The following NSRP1 variants were observed in gnomAD, a reference collection of about 807,000 sequenced individuals.
The protein encoded by NSRP1 is nuclear speckle splicing regulatory protein 1, also known as coiled-coil domain containing 55.
A neutral mutation model predicts 54.7 loss-of-function variants in NSRP1; 24 were observed. The observed-to-expected ratio is 0.44, with a 90% CI of 0.32 to 0.62. The LOEUF is 0.62. NSRP1 is among the 20% of genes least tolerant of loss of function. The pLI is 0.06. For missense variants in NSRP1, 596 were observed against 651.2 expected, an observed-to-expected ratio of 0.92 and a Z score of 0.92; for synonymous variants, 210 against 213.8, an observed-to-expected ratio of 0.98 and a Z score of 0.15.
chr17:30,175,496 C>T (rs547470123), intron 3 of NSRP1, among the ~76,000 whole-genome samples: 5 of 151,982 alleles, frequency 3.3e-5, no homozygotes, highest in East Asian at 1.9e-4. Flanking sequence ...TGCAGCGGCA[C>T]GATCTCAGCT....
At chr17:30,136,436 G>A (rs1338200088) in intron 2 of NSRP1, among the ~76,000 whole-genome samples, 1 of 152,030 alleles carries the variant, frequency 6.6e-6, no homozygotes, top group East Asian at 1.9e-4. Flanking sequence ...TGAGTACTTT[G>A]TTTATGTTAG....
intron 2 of NSRP1, among the ~76,000 whole-genome samples, chr17:30,166,088 T>C (rs1002486630): frequency 3.3e-5 from 5 of 152,120 alleles, no homozygotes; most frequent in Admixed American, 6.5e-5. Flanking sequence ...AACAGGAACA[T>C]GATAATAACA....
At chr17:30,141,304 G>T (rs980695474) in intron 2 of NSRP1, among the ~76,000 whole-genome samples, 1 of 152,060 alleles carries the variant, frequency 6.6e-6, no homozygotes, top group Non-Finnish European at 1.5e-5. Context: ...TTGAGTGCAT[G>T]CCACAGGCTT....
In NSRP1 at chr17:30,139,072, C is replaced by T. The variant is rs2151886222; in HGVS notation, c.114+20899C>T. ...AGCTGGGACTATAGGCGCCTGCTAC[C>T]ATGCCTAGCTAATATTTTGTATTTT... is the stretch of plus-strand genomic sequence containing the variant. On this transcript the variant is annotated intron_variant, in intron 2 of 6. Transcript: ENST00000247026. Among the ~76,000 whole-genome samples the T allele has an allele frequency of 1.3e-5, 2 of 151,212 alleles. 1 individual carries two copies. Among genetic ancestry groups the T allele is most frequent in the Middle Eastern group, 6.8e-3 (2 of 292 alleles).
Position 30,123,847 on chromosome 17 carries a change from C to T in NSRP1, c.114+5674C>T, listed in dbSNP as rs138380825. 1.0e-3 allele frequency among the ~76,000 whole-genome samples: 153 copies of T among 152,146 alleles called. 2 individuals carry two copies. In the Middle Eastern group the frequency reaches 0.01, roughly 10 times the overall value. On this transcript the variant is annotated intron_variant, in intron 2 of 6. Coordinates refer to ENST00000247026, the MANE Select transcript of NSRP1 (RefSeq NM_032141.4). ...CATTAAATCGTCCATCGTCTATTTA[C>T]CATTAAATTTTCTAGCACCCTTGTG...
chr17:30,150,683 GGT>G (rs2071899581), intron 2 of NSRP1: 1 of 109,088 alleles, frequency 9.2e-6, no homozygotes. Flanking sequence ...TTTTGTTGTT[GGT>G]TTTTTTTTTT....
Position 30,118,175 on chromosome 17 carries a change from T to A in NSRP1, c.114+2T>A. On this transcript the variant is annotated splice_donor_variant, in intron 2 of 6. Coordinates refer to ENST00000247026, the MANE Select transcript of NSRP1 (RefSeq NM_032141.4). LOFTEE classifies it high-confidence loss of function. ...AATGATTCTGATGATGATGATGAGG[T>A]AAGGAAACCTATGTTTTACTCGTGC... 6.2e-7 allele frequency: 1 copy of A among 1,606,968 alleles called. No individual in the cohort carries two copies. Among genetic ancestry groups the A allele is most frequent in the Non-Finnish European group, 8.5e-7 (1 of 1,174,054 alleles).
At chr17:30,142,377 G>A (rs1244057084) in intron 2 of NSRP1, among the ~76,000 whole-genome samples, 1 of 151,988 alleles carries the variant, frequency 6.6e-6, no homozygotes, top group Non-Finnish European at 1.5e-5. Context: ...CTAGGCAGGA[G>A]TGCAGTGGCT....
At chr17:30,158,999 ATAT>A (rs1223213194) in intron 2 of NSRP1, among the ~76,000 whole-genome samples, 1 of 152,268 alleles carries the variant, frequency 6.6e-6, no homozygotes, top group East Asian at 1.9e-4. Context: ...TCTGTGAAAA[ATAT>A]TATTGGTATT....
intron 2 of NSRP1, among the ~76,000 whole-genome samples, chr17:30,153,377 A>G (rs1161074182): frequency 6.6e-6 from 1 of 152,096 alleles, no homozygotes; most frequent in Admixed American, 6.5e-5. Context: ...TACACATTTC[A>G]TTGTGTTTCA....
At chr17:30,132,578 C>T (rs188899746) in intron 2 of NSRP1, among the ~76,000 whole-genome samples, 1 of 152,266 alleles carries the variant, frequency 6.6e-6, no homozygotes, top group East Asian at 1.9e-4. Context: ...ATTTTCTTTG[C>T]TCATCCAGTA....
intron 2 of NSRP1, among the ~76,000 whole-genome samples, chr17:30,136,874 A>G (rs1486099827): frequency 1.3e-5 from 2 of 152,172 alleles, no homozygotes; most frequent in Admixed American, 6.5e-5. Flanking sequence ...ACATTTGTAC[A>G]TACATCATAT....
At chr17:30,148,964 T>G (rs1029521637) in intron 2 of NSRP1, among the ~76,000 whole-genome samples, 9 of 152,218 alleles carry the variant, frequency 5.9e-5, no homozygotes, top group African/African-American at 9.6e-5. Flanking sequence ...TATTCTCTAA[T>G]TTCTGCCCAT....
At chr17:30,122,349 T>TGTGTGTGTGTGTATATATATATATATATA (rs1481107161) in intron 2 of NSRP1, 3 of 72,306 alleles carry the variant, frequency 4.1e-5, no homozygotes, top group African/African-American at 1.7e-4. Context: ...ATAACTCTGG[T>TGTGTGTGTGTGTATATATATATATATATA]TTCATATATA....
chr17:30,175,474 C>G (rs902268630), intron 3 of NSRP1, among the ~76,000 whole-genome samples: 1 of 151,724 alleles, frequency 6.6e-6, no homozygotes, highest in African/African-American at 2.4e-5. Context: ...TTGCTCTGTA[C>G]CTAGGCTGGA....
rs779855426 is a variant in NSRP1 at position 30,180,960 on chromosome 17, A to G, written c.561A>G (p.Leu187=). ...ATCTCAGTGGATTTTATAGGCACCT[A>G]TTAAATCAAGCAGTTGGTGAAGAGG... ...QKDLSGFYRH[L]LNQAVGEEEV... Residue 187 remains leucine (L), a synonymous_variant, in exon 6 of 7, where the codon CTA becomes CTG. Coordinates refer to ENST00000247026, the MANE Select transcript of NSRP1 (RefSeq NM_032141.4). 3.7e-6 allele frequency: 6 copies of G among 1,613,898 alleles called. No homozygotes were observed. Among genetic ancestry groups the G allele is most frequent in the Middle Eastern group, 1.7e-4 (1 of 6,024 alleles).
At chr17:30,151,774 CTTTTTTTTTTTT>C (rs780507533) in intron 2 of NSRP1, among the ~76,000 whole-genome samples, 7 of 48,920 alleles carry the variant, frequency 1.4e-4, no homozygotes, top group Admixed American at 7.1e-4. Flanking sequence ...TTGTCACTTT[CTTTTTTTTTTTT>C]TTTTTTTTTT....
At chr17:30,181,554 G>A (rs1374061004) in intron 6 of NSRP1, among the ~76,000 whole-genome samples, 4 of 149,684 alleles carry the variant, frequency 2.7e-5, no homozygotes, top group African/African-American at 7.4e-5. Context: ...CATGCCCAGC[G>A]AATTTTCTTT....
chr17:30,136,877 C>T (rs1487933204), intron 2 of NSRP1, among the ~76,000 whole-genome samples: 1 of 152,108 alleles, frequency 6.6e-6, no homozygotes, highest in African/African-American at 2.4e-5. Flanking sequence ...TTTGTACATA[C>T]ATCATATTTT....
Sources: allele counts gnomAD v4.1 joint callset (sites outside exome capture counted in the v4.1 genomes callset), GRCh38; gene constraint gnomAD v4.1.1; transcripts MANE v1.5; gene names NCBI Gene and HGNC (gene_info 2026-07-23, HGNC 2026-07-21).